KIFC3: variants seen among roughly 807,000 people sequenced by gnomAD.
KIFC3 encodes kinesin-like protein KIFC3.
Under a neutral mutation model 101.8 loss-of-function variants are expected in KIFC3, and 60 were observed. The ratio of observed to expected loss-of-function variants is 0.59; its 90% CI spans 0.48 to 0.73. The LOEUF is 0.73. Among genes scored for constraint, KIFC3 ranks in the 30% least tolerant of loss-of-function variants. The pLI, the probability that KIFC3 is intolerant of heterozygous loss-of-function variation, is 0.00. For synonymous variants in KIFC3, 476 were observed against 482.7 expected (o/e 0.99, Z 0.18); for missense variants, 966 against 1,137.1 (o/e 0.85, Z 2.16).
chr16:57,823,797 GTGTGTGT>G (rs1351268775), intron 1 of KIFC3, among the ~76,000 whole-genome samples: 7 of 146,570 alleles, frequency 4.8e-5, no homozygotes, highest in African/African-American at 1.5e-4. Flanking sequence ...GTGTGTGTGT[GTGTGTGT>G]TTTTAGTAGA....
At chr16:57,767,803 G>T (rs534610769) in intron 9 of KIFC3, among the ~76,000 whole-genome samples, 1 of 152,096 alleles carries the variant, frequency 6.6e-6, no homozygotes, top group African/African-American at 2.4e-5. Context: ...CTCCCGAGTA[G>T]CTGGGACTAC....
At chr16:57,780,984 T>C (rs891844216) in intron 3 of KIFC3, among the ~76,000 whole-genome samples, 44 of 147,866 alleles carry the variant, frequency 3.0e-4, no homozygotes, top group African/African-American at 1.1e-3. Context: ...CTGAAAACAA[T>C]TTTTTAAGGT....
intron 1 of KIFC3, among the ~76,000 whole-genome samples, chr16:57,800,626 C>T (rs2054657688): frequency 6.6e-6 from 1 of 152,104 alleles, no homozygotes; most frequent in Non-Finnish European, 1.5e-5. Context: ...GGGGCAGGGA[C>T]AGGAGGAGAT....
intron 3 of KIFC3, chr16:57,782,113 C>T: frequency 1.0e-6 from 1 of 985,534 alleles, no homozygotes; most frequent in Non-Finnish European, 1.2e-6. Flanking sequence ...GTGAGGCCAG[C>T]AGGAGACCAG....
chr16:57,832,350 T>TA lies in KIFC3; in HGVS notation c.108+30378dup, dbSNP rs1191715319. Among the ~76,000 whole-genome samples the TA allele has an allele frequency of 3.7e-5, 5 of 135,676 alleles. No individual in the cohort carries two copies. The East Asian group carries it at 1.0e-3, about 28-fold the overall frequency. The allele number at this position is 135,676 out of a possible 152,430, so 89.0% of individuals were successfully genotyped here. ...TTTTTTTTTTTTTTTTTTTTTTTTTTAGACAAAGTCTCGCCCAAGCTAGAA... is the reference window on the plus strand; with the variant it reads ...TTTTTTTTTTTTTTTTTTTTTTTTTTAAGACAAAGTCTCGCCCAAGCTAGAA... On this transcript the variant is annotated intron_variant, in intron 1 of 2. Transcript: ENST00000563028.
At chr16:57,761,361 G>C (rs2049832100) in intron 14 of KIFC3, 52 bp downstream of exon 14, 1 of 1,611,790 alleles carries the variant, frequency 6.2e-7, no homozygotes, top group East Asian at 2.2e-5. Context: ...TTCAAACCCA[G>C]TTGTGTCCTC....
chr16:57,839,827 T>G (rs2055766909), intron 1 of KIFC3, among the ~76,000 whole-genome samples: 1 of 152,130 alleles, frequency 6.6e-6, no homozygotes, highest in Non-Finnish European at 1.5e-5. Flanking sequence ...GATCTAAAAT[T>G]CCATCATTCT....
At chr16:57,761,576 T>G in intron 13 of KIFC3, 40 bp from the exon 14 acceptor site, 1 of 1,601,158 alleles carries the variant, frequency 6.2e-7, no homozygotes, top group Admixed American at 1.7e-5. Context: ...TCCTCCCATT[T>G]CCAGCTGCTG....
At chr16:57,817,433 A>C (rs1349849926) in intron 1 of KIFC3, among the ~76,000 whole-genome samples, 1 of 152,120 alleles carries the variant, frequency 6.6e-6, no homozygotes, top group East Asian at 1.9e-4. Context: ...TAGAGGCCAG[A>C]AATCCAAACC....
At chr16:57,836,444 G>C (rs1171428861) in intron 1 of KIFC3, among the ~76,000 whole-genome samples, 1 of 151,956 alleles carries the variant, frequency 6.6e-6, no homozygotes, top group Admixed American at 6.6e-5. Context: ...GCCCTTATCA[G>C]CTTGGTGGAG....
At chr16:57,802,738 C>T (rs545566998), upstream of KIFC3, 17 of 783,576 alleles carry the variant, frequency 2.2e-5, no homozygotes, top group East Asian at 1.6e-4. This position sits in a 1 kb window ranked among gnomAD's most constrained non-coding sequence, Gnocchi z 5.0. Flanking sequence ...GGCACACGTG[C>T]TCATGCGTTC....
chr16:57,798,591 T>C (rs8061387), intron 1 of KIFC3: 50,496 of 479,938 alleles, frequency 0.11, 3,830 homozygotes, highest in African/African-American at 0.28. Flanking sequence ...AGCCAGGTCC[T>C]AGCCCCACAC....
chr16:57,796,717 AAC>A (rs1207118629), intron 2 of KIFC3, among the ~76,000 whole-genome samples: 1 of 152,204 alleles, frequency 6.6e-6, no homozygotes, highest in Non-Finnish European at 1.5e-5. Flanking sequence ...AAGCTGAGAT[AAC>A]ACAATATTTC....
chr16:57,807,940 A>C (rs868970710), upstream of KIFC3: 107 of 128,142 alleles, frequency 8.4e-4, no homozygotes, highest in African/African-American at 4.5e-3. Flanking sequence ...AAAAAAAAAA[A>C]AAAAAAAAAA....
intron 3 of KIFC3, among the ~76,000 whole-genome samples, chr16:57,788,977 C>T (rs1483441610): frequency 2.0e-5 from 3 of 152,250 alleles, no homozygotes; most frequent in Non-Finnish European, 4.4e-5. Flanking sequence ...TTCTTAGGTA[C>T]TTCAAGTTCT....
chr16:57,822,349 G>C (rs2055366302), intron 1 of KIFC3, among the ~76,000 whole-genome samples: 1 of 152,150 alleles, frequency 6.6e-6, no homozygotes, highest in African/African-American at 2.4e-5. Context: ...TCAATACATG[G>C]GAGCACTCCC....
intron 1 of KIFC3, among the ~76,000 whole-genome samples, chr16:57,820,671 C>T (rs2055330269): frequency 6.6e-6 from 1 of 152,192 alleles, no homozygotes; most frequent in South Asian, 2.1e-4. Flanking sequence ...CCTATGATTA[C>T]CCTGTTTATT....
chr16:57,851,530 C>T (rs1324887799), intron 1 of KIFC3, among the ~76,000 whole-genome samples: 1 of 150,408 alleles, frequency 6.6e-6, no homozygotes, highest in Non-Finnish European at 1.5e-5. Flanking sequence ...GTGTAATTGC[C>T]TCTTGTCTCT....
rs149210186 is a variant in KIFC3, at chr16:57,813,351, AAAATAAATAAAT to A, written c.109-15081_109-15070del. Among the ~76,000 whole-genome samples, 18 of 151,306 alleles carry A rather than the reference AAAATAAATAAAT, an allele frequency of 1.2e-4. No individual in the cohort carries two copies. In the South Asian group the frequency reaches 2.7e-3, roughly 23 times the overall value. On this transcript the variant is annotated intron_variant, in intron 1 of 2. Coordinates refer to the KIFC3 transcript ENST00000563028. ...TCAAAATAAAATAAAATAAAATACA[AAAATAAATAAAT>A]AAATAAATAAATAAAAGGAAAAGGA... is the stretch of plus-strand genomic sequence containing the variant.
Sources: allele counts gnomAD v4.1 joint callset (sites outside exome capture counted in the v4.1 genomes callset), GRCh38; gene constraint gnomAD v4.1.1; non-coding constraint Gnocchi (gnomAD v3.1); transcripts MANE v1.5; gene names NCBI Gene and HGNC (gene_info 2026-07-23, HGNC 2026-07-21).